The following LHFPL3 variants were observed in gnomAD, a reference collection of about 807,000 sequenced individuals.
The protein encoded by LHFPL3 is LHFPL tetraspan subfamily member 3 protein.
In LHFPL3, 5 loss-of-function variants were observed where a neutral mutation model predicts 19.3. That is an observed-to-expected ratio of 0.26 (90% CI 0.14 to 0.54). The LOEUF is 0.54. LHFPL3 is among the 20% of genes least tolerant of loss of function. LHFPL3 has a pLI of 0.94. For missense variants in LHFPL3, 249 were observed against 307.4 expected, an observed-to-expected ratio of 0.81 and a Z score of 1.42; for synonymous variants, 133 against 126.2, an observed-to-expected ratio of 1.05 and a Z score of -0.36.
chr7:104,428,398 ATCT>A (rs545761794), intron 1 of LHFPL3, among the ~76,000 whole-genome samples: 219 of 152,272 alleles, frequency 1.4e-3, no homozygotes, highest in South Asian at 0.013. Flanking sequence ...CAACAATGAA[ATCT>A]TCTTGATGAC....
chr7:104,549,448 AAC>A (rs61148155), intron 1 of LHFPL3, among the ~76,000 whole-genome samples: 21,599 of 140,090 alleles, frequency 0.15, 1,650 homozygotes, highest in East Asian at 0.27. Flanking sequence ...CCCTTAACCC[AAC>A]ACACACACAC....
At chr7:104,699,933 T>G (rs546646701) in intron 1 of LHFPL3, among the ~76,000 whole-genome samples, 3 of 152,204 alleles carry the variant, frequency 2.0e-5, no homozygotes, top group African/African-American at 7.2e-5. Flanking sequence ...CCTCTTCCTC[T>G]GATGAATAGG....
At chr7:104,713,742 A>G (rs1450299726) in intron 1 of LHFPL3, among the ~76,000 whole-genome samples, 2 of 152,220 alleles carry the variant, frequency 1.3e-5, no homozygotes, top group African/African-American at 4.8e-5. Context: ...AAATTCTATA[A>G]TTCTATCAGC....
intron 1 of LHFPL3, among the ~76,000 whole-genome samples, chr7:104,433,408 C>T (rs1252711364): frequency 6.6e-6 from 1 of 152,204 alleles, no homozygotes; most frequent in African/African-American, 2.4e-5. Flanking sequence ...TTGAGAATTA[C>T]TGCTCTATTA....
intron 1 of LHFPL3, among the ~76,000 whole-genome samples, chr7:104,549,144 A>G (rs781400235): frequency 6.6e-6 from 1 of 152,084 alleles, no homozygotes; most frequent in Non-Finnish European, 1.5e-5. Context: ...GTAAATAGCA[A>G]ATATGACTTT....
At chr7:104,586,466 C>T (rs940915354) in intron 1 of LHFPL3, among the ~76,000 whole-genome samples, 4 of 151,844 alleles carry the variant, frequency 2.6e-5, no homozygotes. Flanking sequence ...AAGTATTTTT[C>T]CTGTTTAAAA....
At chr7:104,522,460 G>A (rs1858781) in intron 1 of LHFPL3, among the ~76,000 whole-genome samples, 88,862 of 147,220 alleles carry the variant, frequency 0.6, 27,153 homozygotes, top group African/African-American at 0.68. Context: ...TGGGTGCAGC[G>A]CACCAGCATG....
At position 104,434,746 on chromosome 7, in the gene LHFPL3, T is replaced by G. The variant is rs192356008; in HGVS notation, c.445+105522T>G. On this transcript the variant is annotated intron_variant, in intron 1 of 2. Transcript: ENST00000424859. ...AAGTGATTATAGGCAAATTCAGACA[T>G]GAATTTTCAAGGTAACTCCACTAAA... Among the ~76,000 whole-genome samples the G allele has an allele frequency of 8.2e-3, 1,246 of 152,288 alleles. 7 individuals are homozygous for G. The highest frequency in any genetic ancestry group is 0.015 in the Non-Finnish European group (988 of 68,022).
intron 1 of LHFPL3, among the ~76,000 whole-genome samples, chr7:104,606,912 G>A (rs868034483): frequency 2.6e-5 from 4 of 152,096 alleles, no homozygotes; most frequent in South Asian, 2.1e-4. Flanking sequence ...TGAATCATGA[G>A]TCATGACTGC....
intron 1 of LHFPL3, among the ~76,000 whole-genome samples, chr7:104,719,637 G>A (rs143641432): frequency 0.012 from 1,813 of 152,194 alleles, 34 homozygotes; most frequent in African/African-American, 0.041. Flanking sequence ...GTTTTTAAGC[G>A]TCATTTTATT....
chr7:104,686,978 G>A, intron 1 of LHFPL3, among the ~76,000 whole-genome samples: 1 of 152,090 alleles, frequency 6.6e-6, no homozygotes, highest in East Asian at 1.9e-4. Flanking sequence ...AACAGCATGG[G>A]GCAACTGCCC....
At chr7:104,409,620 G>T (rs1025947791) in intron 1 of LHFPL3, among the ~76,000 whole-genome samples, 1 of 151,500 alleles carries the variant, frequency 6.6e-6, no homozygotes, top group African/African-American at 2.4e-5. Flanking sequence ...TGCCAAAAAA[G>T]AATAAGTAAA....
intron 1 of LHFPL3, among the ~76,000 whole-genome samples, chr7:104,445,986 G>C (rs1280696304): frequency 6.6e-6 from 1 of 152,148 alleles, no homozygotes; most frequent in Non-Finnish European, 1.5e-5. Flanking sequence ...AGTGTTACAA[G>C]ACGTTGTTCT....
At chr7:104,858,399 C>G (rs1791550218) in intron 2 of LHFPL3, among the ~76,000 whole-genome samples, 1 of 152,222 alleles carries the variant, frequency 6.6e-6, no homozygotes. Context: ...TTCTCCACTT[C>G]CATTTCTAGG....
At chr7:104,814,191 C>A (rs1562801354) in intron 2 of LHFPL3, among the ~76,000 whole-genome samples, 1 of 152,124 alleles carries the variant, frequency 6.6e-6, no homozygotes, top group African/African-American at 2.4e-5. Context: ...GGCAAGTCAT[C>A]CCAACAAGTG....
intron 2 of LHFPL3, among the ~76,000 whole-genome samples, chr7:104,869,906 C>G (rs1444878567): frequency 2.0e-5 from 3 of 152,166 alleles, no homozygotes; most frequent in Non-Finnish European, 4.4e-5. Context: ...GAATAGTATG[C>G]AGCCATAAAA....
chr7:104,629,292 G>A (rs966610478), intron 1 of LHFPL3, among the ~76,000 whole-genome samples: 2 of 152,050 alleles, frequency 1.3e-5, no homozygotes, highest in Non-Finnish European at 2.9e-5. Context: ...AAAGATGGAC[G>A]GGGGATCAGC....
intron 2 of LHFPL3, among the ~76,000 whole-genome samples, chr7:104,797,931 C>G (rs1046345104): frequency 2.7e-5 from 4 of 149,676 alleles, no homozygotes; most frequent in Non-Finnish European, 1.5e-5. Flanking sequence ...CAAACAAAAA[C>G]AAACCAAACA....
intron 1 of LHFPL3, among the ~76,000 whole-genome samples, chr7:104,343,128 C>G (rs17136882): frequency 0.32 from 48,222 of 151,658 alleles, 7,943 homozygotes; most frequent in East Asian, 0.43. Context: ...AATTCTTCGT[C>G]TCCAAGTCTC....
Sources: gnomAD v4.1 joint callset for allele counts (sites outside exome capture counted in the v4.1 genomes callset) on GRCh38, gnomAD v4.1.1 for gene constraint, MANE v1.5 for transcripts, NCBI Gene and HGNC (gene_info 2026-07-23, HGNC 2026-07-21) for gene names.